ERBB4: variants seen among roughly 807,000 people sequenced by gnomAD.
ERBB4 encodes the protein receptor tyrosine-protein kinase erbB-4.
A neutral mutation model predicts 158.0 loss-of-function variants in ERBB4; 42 were observed. The ratio of observed to expected loss-of-function variants is 0.27; its 90% CI spans 0.21 to 0.34. The LOEUF is 0.34. ERBB4 is among the 10% of genes least tolerant of loss of function. The pLI, the probability that ERBB4 is intolerant of heterozygous loss-of-function variation, is 1.00. For missense variants in ERBB4, 1,333 were observed against 1,624.1 expected, an observed-to-expected ratio of 0.82 and a Z score of 3.08; for synonymous variants, 583 against 558.7, an observed-to-expected ratio of 1.04 and a Z score of -0.61.
chr2:211,785,356 C>T (rs1412340467), intron 4 of ERBB4, among the ~76,000 whole-genome samples: 1 of 152,176 alleles, frequency 6.6e-6, no homozygotes, highest in African/African-American at 2.4e-5. Flanking sequence ...CCACCTCAGT[C>T]TTCCAAAGTG....
intron 25 of ERBB4, among the ~76,000 whole-genome samples, chr2:211,406,575 A>C (rs2063152522): frequency 6.6e-6 from 1 of 152,108 alleles, no homozygotes; most frequent in South Asian, 2.1e-4. Flanking sequence ...CAATAATAAA[A>C]GAGAAAAGAA....
chr2:212,484,142 A>T (rs1449670184), intron 1 of ERBB4, among the ~76,000 whole-genome samples: 1 of 152,224 alleles, frequency 6.6e-6, no homozygotes, highest in Non-Finnish European at 1.5e-5. Flanking sequence ...AAAGCTAAAA[A>T]TAAAAACTCA....
At chr2:211,952,238 C>G (rs1439442668) in intron 2 of ERBB4, among the ~76,000 whole-genome samples, 1 of 152,004 alleles carries the variant, frequency 6.6e-6, no homozygotes, top group Admixed American at 6.6e-5. Context: ...TATCTTGAAA[C>G]ATCTCAAAAG....
At chr2:212,247,066 C>T (rs1044084166) in intron 1 of ERBB4, among the ~76,000 whole-genome samples, 7 of 151,790 alleles carry the variant, frequency 4.6e-5, no homozygotes, top group African/African-American at 1.7e-4. Context: ...ATTTTAGTAT[C>T]AATAAATTAT....
chr2:211,807,469 G>A (rs947181533), intron 3 of ERBB4, among the ~76,000 whole-genome samples: 2 of 152,182 alleles, frequency 1.3e-5, no homozygotes, highest in Non-Finnish European at 2.9e-5. Context: ...CAAAGGACGT[G>A]AACTCATCCC....
chr2:211,464,610 C>G (rs1411945446), intron 20 of ERBB4, among the ~76,000 whole-genome samples: 2 of 152,078 alleles, frequency 1.3e-5, no homozygotes, highest in Admixed American at 6.6e-5. Flanking sequence ...TCACTAATCT[C>G]ACTAATGCAT....
chr2:211,695,957 CTTCT>C (rs200920072), intron 12 of ERBB4, among the ~76,000 whole-genome samples: 9,075 of 141,974 alleles, frequency 0.064, 295 homozygotes, highest in African/African-American at 0.099. Flanking sequence ...CTTTTTATTT[CTTCT>C]TTCTTTTTAT....
At chr2:212,298,145 T>C (rs1411932305) in intron 1 of ERBB4, among the ~76,000 whole-genome samples, 2 of 151,756 alleles carry the variant, frequency 1.3e-5, no homozygotes, top group Non-Finnish European at 2.9e-5. Flanking sequence ...ATAAAGAACT[T>C]AAAAAACAAT....
At chr2:211,932,196 T>G (rs2080196558) in intron 3 of ERBB4, among the ~76,000 whole-genome samples, 1 of 152,028 alleles carries the variant, frequency 6.6e-6, no homozygotes, top group Non-Finnish European at 1.5e-5. Flanking sequence ...AAATCAAAAT[T>G]CTCAGGCCAA....
chr2:211,978,634 T>C (rs1559234945), intron 2 of ERBB4, among the ~76,000 whole-genome samples: 1 of 152,154 alleles, frequency 6.6e-6, no homozygotes, highest in African/African-American at 2.4e-5. Context: ...CAAGAATATC[T>C]ATTTTAGACT....
intron 20 of ERBB4, among the ~76,000 whole-genome samples, chr2:211,541,126 T>G (rs1456234930): frequency 3.3e-5 from 5 of 151,964 alleles, no homozygotes; most frequent in Admixed American, 6.6e-5. Flanking sequence ...TCTTTATTTT[T>G]TTAAAGTCTC....
chr2:212,334,782 G>T (rs1343893592), intron 1 of ERBB4, among the ~76,000 whole-genome samples: 2 of 151,912 alleles, frequency 1.3e-5, no homozygotes, highest in African/African-American at 4.8e-5. Context: ...AGATAATTTA[G>T]ATATGATCCA....
At chr2:211,943,875 T>C (rs2080575616) in intron 3 of ERBB4, among the ~76,000 whole-genome samples, 1 of 151,898 alleles carries the variant, frequency 6.6e-6, no homozygotes, top group Non-Finnish European at 1.5e-5. Context: ...TAATTTTTAA[T>C]GTGCGAATTA....
intron 1 of ERBB4, among the ~76,000 whole-genome samples, chr2:212,410,927 C>A (rs2091479675): frequency 6.6e-6 from 1 of 151,998 alleles, no homozygotes; most frequent in South Asian, 2.1e-4. Context: ...TGAACTACAG[C>A]TACACTTTTT....
intron 12 of ERBB4, among the ~76,000 whole-genome samples, chr2:211,688,206 C>G (rs538298018): frequency 6.6e-6 from 1 of 152,312 alleles, no homozygotes; most frequent in Admixed American, 6.5e-5. Context: ...AGCCTATGTA[C>G]AGATCCACAT....
intron 2 of ERBB4, among the ~76,000 whole-genome samples, chr2:211,969,368 C>T (rs1559212563): frequency 6.6e-6 from 1 of 152,004 alleles, no homozygotes; most frequent in Non-Finnish European, 1.5e-5. Context: ...TGAGAAAAGC[C>T]TGAAACACTG....
At chr2:211,961,274 A>C (rs1303569268) in intron 2 of ERBB4, among the ~76,000 whole-genome samples, 2 of 152,114 alleles carry the variant, frequency 1.3e-5, no homozygotes, top group Admixed American at 1.3e-4. Flanking sequence ...TTTGTATAGT[A>C]AGCAGCATTG....
chr2:211,943,283 A>T (rs914334871), intron 3 of ERBB4, among the ~76,000 whole-genome samples: 2 of 152,100 alleles, frequency 1.3e-5, no homozygotes, highest in Non-Finnish European at 2.9e-5. Context: ...TTATAGAATT[A>T]ATTAAGATTG....
intron 1 of ERBB4, among the ~76,000 whole-genome samples, chr2:212,240,665 A>AAAAAAAC (rs1559823350): frequency 1.4e-5 from 2 of 145,798 alleles, no homozygotes; most frequent in African/African-American, 5.3e-5. Flanking sequence ...AAAAAAAAAA[A>AAAAAAAC]AACAGAAAAA....
Sources: gnomAD v4.1 joint callset for allele counts (sites outside exome capture counted in the v4.1 genomes callset) on GRCh38, gnomAD v4.1.1 for gene constraint, MANE v1.5 for transcripts, NCBI Gene and HGNC (gene_info 2026-07-23, HGNC 2026-07-21) for gene names.